The following GRM8 variants were observed in gnomAD, a reference collection of about 807,000 sequenced individuals.
The protein encoded by GRM8 is glutamate metabotropic receptor 8, also known as metabotropic glutamate receptor 8.
A neutral mutation model predicts 87.2 loss-of-function variants in GRM8; 47 were observed. That is an observed-to-expected ratio of 0.54 (90% CI 0.43 to 0.69). GRM8 has a LOEUF of 0.69. Among genes scored for constraint, GRM8 ranks in the 30% least tolerant of loss-of-function variants. GRM8 has a pLI of 0.00. For missense variants in GRM8, 1,019 were observed against 1,139.2 expected, an observed-to-expected ratio of 0.89 and a Z score of 1.52; for synonymous variants, 396 against 404.5, an observed-to-expected ratio of 0.98 and a Z score of 0.25.
intron 3 of GRM8, among the ~76,000 whole-genome samples, chr7:126,919,574 G>A (rs941608359): frequency 6.6e-6 from 1 of 151,668 alleles, no homozygotes; most frequent in Admixed American, 6.6e-5. Context: ...CTGATGACCA[G>A]TTCATTGAAG....
intron 3 of GRM8, among the ~76,000 whole-genome samples, chr7:126,964,181 A>G (rs765115156): frequency 8.0e-5 from 10 of 124,298 alleles, no homozygotes; most frequent in Non-Finnish European, 1.6e-4. Flanking sequence ...TGGATTAAAG[A>G]CTTAAATGTA....
At chr7:126,477,203 A>G (rs762565293) in intron 9 of GRM8, among the ~76,000 whole-genome samples, 5 of 152,122 alleles carry the variant, frequency 3.3e-5, no homozygotes, top group Non-Finnish European at 7.4e-5. Flanking sequence ...AACTTATAGA[A>G]GCAGAGACTG....
rs190015183 is a variant in GRM8 at position 126,714,920 on chromosome 7, A to C, written c.1357+54945T>G. ...ATCATAAGGAAGAGAAAATTCATTC[A>C]TAGAACTGTATTGTATTTATCGATA... On this transcript the variant is annotated intron_variant, in intron 7 of 10. Transcript: ENST00000339582. Among the ~76,000 whole-genome samples, 19 of 152,324 alleles carry C rather than the reference A, an allele frequency of 1.2e-4. No individual in the cohort carries two copies. The East Asian group carries it at 3.7e-3, about 29-fold the overall frequency.
chr7:126,586,748 A>G (rs1051020062), intron 8 of GRM8, among the ~76,000 whole-genome samples: 4 of 152,212 alleles, frequency 2.6e-5, no homozygotes, highest in Admixed American at 2.6e-4. Context: ...CCTAGGCAAT[A>G]CCATTCAGGA....
chr7:127,030,542 C>T (rs1373524642), intron 3 of GRM8, among the ~76,000 whole-genome samples: 2 of 152,122 alleles, frequency 1.3e-5, no homozygotes, highest in Non-Finnish European at 2.9e-5. Context: ...TATCTCAACT[C>T]ATTCTTTTAT....
intron 3 of GRM8, among the ~76,000 whole-genome samples, chr7:127,099,623 GA>G (rs757725197): frequency 3.3e-5 from 5 of 152,086 alleles, no homozygotes; most frequent in Non-Finnish European, 7.4e-5. Context: ...ATTCCAAAAG[GA>G]ATTTGTGAAC....
intron 7 of GRM8, among the ~76,000 whole-genome samples, chr7:126,661,458 G>A (rs73720728): frequency 0.041 from 6,194 of 152,196 alleles, 422 homozygotes; most frequent in African/African-American, 0.14. Flanking sequence ...AAGGCCAAAA[G>A]GAGAATACAT....
At chr7:126,555,130 T>G (rs898445866) in intron 8 of GRM8, among the ~76,000 whole-genome samples, 1 of 152,062 alleles carries the variant, frequency 6.6e-6, no homozygotes, top group Non-Finnish European at 1.5e-5. Context: ...GAAACACCAA[T>G]AGAACAAAAC....
At chr7:127,030,365 C>T (rs1817245353) in intron 3 of GRM8, among the ~76,000 whole-genome samples, 1 of 152,078 alleles carries the variant, frequency 6.6e-6, no homozygotes, top group Non-Finnish European at 1.5e-5. Flanking sequence ...TTGGTTCTTA[C>T]CCAGTGCCTC....
chr7:126,708,323 T>G (rs1339096319), intron 7 of GRM8, among the ~76,000 whole-genome samples: 1 of 151,942 alleles, frequency 6.6e-6, no homozygotes, highest in Non-Finnish European at 1.5e-5. Flanking sequence ...GTAGGGAGGT[T>G]TCTCAAAAAA....
intron 7 of GRM8, among the ~76,000 whole-genome samples, chr7:126,661,747 A>T (rs962273211): frequency 6.6e-6 from 1 of 152,220 alleles, no homozygotes. Flanking sequence ...AATTGGAAAT[A>T]TACAAGCATC....
chr7:126,733,837 ACAGGAATGCC>A (rs1478875274), intron 7 of GRM8, among the ~76,000 whole-genome samples: 1 of 152,042 alleles, frequency 6.6e-6, no homozygotes, highest in Non-Finnish European at 1.5e-5. Context: ...TAGGGTCAAA[ACAGGAATGCC>A]CAGCATCACA....
Position 126,968,693 on chromosome 7 carries a change from C to T in GRM8, c.728-64010G>A, listed in dbSNP as rs537176217. 9.2e-5 allele frequency among the ~76,000 whole-genome samples: 14 copies of T among 152,210 alleles called. No homozygotes were observed. In the South Asian group the frequency reaches 2.9e-3, roughly 32 times the overall value. On this transcript the variant is annotated intron_variant, in intron 3 of 10. Coordinates refer to ENST00000339582, the MANE Select transcript of GRM8 (RefSeq NM_000845.3). The stretch of plus-strand genomic sequence containing the variant: ...TTAAGGAAACCATTTGATTCAAAGG[C>T]TCAATGCTGATAAGCTTTAGCAGAT...
At chr7:126,539,472 C>A (rs1028179857) in intron 8 of GRM8, among the ~76,000 whole-genome samples, 1 of 151,774 alleles carries the variant, frequency 6.6e-6, no homozygotes, top group Non-Finnish European at 1.5e-5. Flanking sequence ...ATATAAGGGA[C>A]CCAGAATAGC....
At chr7:126,982,326 C>A (rs576752687) in intron 3 of GRM8, among the ~76,000 whole-genome samples, 1 of 152,298 alleles carries the variant, frequency 6.6e-6, no homozygotes, top group South Asian at 2.1e-4. Context: ...TTGGCAACAC[C>A]CTCACAGACA....
intron 6 of GRM8, among the ~76,000 whole-genome samples, chr7:126,858,304 C>T (rs1369026214): frequency 6.6e-6 from 1 of 152,092 alleles, no homozygotes; most frequent in Admixed American, 6.5e-5. Flanking sequence ...TAAATCAGGT[C>T]ACTCCTTCTA....
At chr7:126,979,941 T>G (rs1435345374) in intron 3 of GRM8, among the ~76,000 whole-genome samples, 1 of 152,224 alleles carries the variant, frequency 6.6e-6, no homozygotes, top group African/African-American at 2.4e-5. Flanking sequence ...CACATCTGCA[T>G]TGCCCAATAC....
intron 2 of GRM8, 94 bp downstream of exon 2, chr7:127,242,588 GTCTATGAGCACCT>G: frequency 9.5e-7 from 1 of 1,049,118 alleles, no homozygotes; most frequent in Non-Finnish European, 1.4e-6. Flanking sequence ...CACCAAAAGG[GTCTATGAGCACCT>G]TCACCATCTT....
intron 6 of GRM8, among the ~76,000 whole-genome samples, chr7:126,896,318 G>C (rs1426057835): frequency 2.0e-5 from 3 of 151,888 alleles, no homozygotes; most frequent in Non-Finnish European, 4.4e-5. Context: ...AAGAGCATAT[G>C]GATGGCTACC....
Sources: gnomAD v4.1 joint callset for allele counts (sites outside exome capture counted in the v4.1 genomes callset) on GRCh38, gnomAD v4.1.1 for gene constraint, MANE v1.5 for transcripts, NCBI Gene and HGNC (gene_info 2026-07-23, HGNC 2026-07-21) for gene names.